The following MOCOS variants were observed in gnomAD, a reference collection of about 807,000 sequenced individuals.
MOCOS encodes the protein human molybdenum cofactor sulfurase.
Under a neutral mutation model 83.6 loss-of-function variants are expected in MOCOS, and 86 were observed. The observed-to-expected ratio is 1.03, with a 90% CI of 0.86 to 1.23. The LOEUF (loss-of-function observed/expected upper bound fraction) is 1.23, where lower values mean the gene tolerates loss of function less well. Ranked by LOEUF, MOCOS falls within the 50% of genes most tolerant of loss-of-function variation. The probability of loss-of-function intolerance (pLI) is 0.00; values close to 1 mark genes in which losing one functional copy is unlikely to be tolerated. For missense variants in MOCOS, 1,120 were observed against 1,126.9 expected (o/e 0.99, Z 0.09); for synonymous variants, 445 against 434.7 (o/e 1.02, Z -0.29).
At chr18:36,197,776 A>T (rs981408910) in intron 2 of MOCOS, among the ~76,000 whole-genome samples, 4 of 151,838 alleles carry the variant, frequency 2.6e-5, no homozygotes, top group Non-Finnish European at 4.4e-5. Flanking sequence ...TGTCTCTCTT[A>T]AAAAAAATCT....
chr18:36,268,684 A>C lies in MOCOS; in HGVS notation c.2666A>C (p.Ter889SerextTer6). Reference sequence around the variant, plus strand: ...GAGAAACACCAGGATGTTACCTCCTAAAAAAAATTTTTAGCATAAAGTTTC... The same window carrying C: ...GAGAAACACCAGGATGTTACCTCCTCAAAAAAATTTTTAGCATAAAGTTTC... ...ASEKHQDVTS* is the reference protein window; with the variant it reads ...ASEKHQDVTSS The change falls in exon 15 of 15, where the codon TAA (stop) becomes TCA (serine). Residue 889 changes from the stop codon to serine, a stop_lost. Coordinates refer to ENST00000261326, the MANE Select transcript of MOCOS (RefSeq NM_017947.4). The C allele has an allele frequency of 6.5e-7, 1 of 1,544,806 alleles. No homozygotes were observed. Among genetic ancestry groups the C allele is most frequent in the Non-Finnish European group, 8.7e-7 (1 of 1,152,234 alleles).
At chr18:36,253,623 G>A (rs1026192555) in intron 11 of MOCOS, among the ~76,000 whole-genome samples, 14 of 151,004 alleles carry the variant, frequency 9.3e-5, no homozygotes, top group African/African-American at 2.2e-4. Flanking sequence ...CCAAGACCAC[G>A]CCACTGCACT....
At position 36,245,829 on chromosome 18, in the gene MOCOS, C is replaced by CT. The variant is rs566046160; in HGVS notation, c.1961-3087dup. Among the ~76,000 whole-genome samples, 3 of 152,062 alleles carry CT rather than the reference C, an allele frequency of 2.0e-5. No homozygotes were observed. In the South Asian group the frequency reaches 6.2e-4, roughly 32 times the overall value. ...GAGACTTTGTTCATTTTTTAAAATT[C>CT]TTTTTTATTTGTCTTTTGGATTGGG... On this transcript the variant is annotated intron_variant, in intron 9 of 14. Coordinates refer to ENST00000261326, the MANE Select transcript of MOCOS (RefSeq NM_017947.4).
At chr18:36,261,887 A>G (rs2091664652) in intron 13 of MOCOS, among the ~76,000 whole-genome samples, 1 of 152,166 alleles carries the variant, frequency 6.6e-6, no homozygotes. Flanking sequence ...ATACATTATC[A>G]AATAGGTGGA....
intron 12 of MOCOS, among the ~76,000 whole-genome samples, chr18:36,257,723 A>C (rs2091648018): frequency 6.6e-6 from 1 of 152,152 alleles, no homozygotes; most frequent in African/African-American, 2.4e-5. Flanking sequence ...CTCATGCCAC[A>C]GGGTGACTGG....
intron 6 of MOCOS, among the ~76,000 whole-genome samples, chr18:36,207,980 A>G (rs2091440615): frequency 6.6e-6 from 1 of 152,152 alleles, no homozygotes; most frequent in Admixed American, 6.6e-5. Context: ...ATGTGGTGAT[A>G]GGAAAGGGTC....
intron 11 of MOCOS, among the ~76,000 whole-genome samples, chr18:36,253,453 G>T (rs1018285519): frequency 1.3e-5 from 2 of 152,058 alleles, no homozygotes; most frequent in Admixed American, 1.3e-4. Flanking sequence ...AGATCACGAG[G>T]TCAGGAGTTC....
intron 9 of MOCOS, among the ~76,000 whole-genome samples, chr18:36,247,981 C>A (rs1263647131): frequency 1.3e-5 from 2 of 152,068 alleles, no homozygotes; most frequent in African/African-American, 2.4e-5. Context: ...AGTGGGATTG[C>A]TGGATCATAC....
At position 36,270,271 on chromosome 18, in the gene MOCOS, A is replaced by C. The variant is rs2091695016; in HGVS notation, c.*1586A>C. The C allele has an allele frequency of 6.6e-6, 1 of 152,224 alleles. No homozygotes were observed. Among genetic ancestry groups the C allele is most frequent in the Non-Finnish European group, 1.5e-5 (1 of 68,044 alleles). 9.4% of individuals were successfully genotyped at this position (152,224 alleles called of 1,614,324 possible). On this transcript the variant is annotated 3_prime_UTR_variant, in exon 15 of 15. Coordinates refer to ENST00000261326, the MANE Select transcript of MOCOS (RefSeq NM_017947.4). ...CTAACTGATAGGAGAACAATGCCCT[A>C]AAGTAATGGATTTATCCACCTACTC... is the stretch of plus-strand genomic sequence containing the variant.
chr18:36,203,048 C>T, intron 4 of MOCOS, 65 bp from the exon 5 acceptor site: 1 of 1,481,666 alleles, frequency 6.7e-7, no homozygotes, highest in Middle Eastern at 1.7e-4. Context: ...TCATTATATA[C>T]CACGAAATGC....
At chr18:36,251,041 T>C (rs1179172482) in intron 10 of MOCOS, 118 bp from the exon 11 acceptor site, 3 of 1,297,498 alleles carry the variant, frequency 2.3e-6, no homozygotes, top group African/African-American at 3.0e-5. Context: ...CAGGCTGCCT[T>C]CAGGGCTCAT....
chr18:36,224,673 A>G (rs922314825), intron 9 of MOCOS, among the ~76,000 whole-genome samples: 2 of 152,128 alleles, frequency 1.3e-5, no homozygotes, highest in African/African-American at 4.8e-5. Context: ...ATGTACTGTT[A>G]GATTAAGTTT....
At chr18:36,254,752 T>C (rs2144144900) in intron 11 of MOCOS, among the ~76,000 whole-genome samples, 1 of 152,260 alleles carries the variant, frequency 6.6e-6, no homozygotes, top group South Asian at 2.1e-4. Flanking sequence ...TGGAAATCTT[T>C]CATTGACTAC....
chr18:36,267,329 A>G (rs928499083), intron 14 of MOCOS, among the ~76,000 whole-genome samples: 7 of 152,356 alleles, frequency 4.6e-5, no homozygotes, highest in Middle Eastern at 3.4e-3. Context: ...TGAACTTCCA[A>G]TGTGTTGATT....
intron 1 of MOCOS, among the ~76,000 whole-genome samples, chr18:36,194,986 C>T (rs979393579): frequency 1.3e-5 from 2 of 152,160 alleles, no homozygotes; most frequent in East Asian, 1.9e-4. Context: ...GTCTGCTGGG[C>T]GTCTTCTCTG....
At chr18:36,197,775 T>TA (rs554324321) in intron 2 of MOCOS, among the ~76,000 whole-genome samples, 28 of 151,762 alleles carry the variant, frequency 1.8e-4, no homozygotes, top group Non-Finnish European at 3.1e-4. Context: ...GTGTCTCTCT[T>TA]AAAAAAAATC....
At chr18:36,264,025 A>G (rs1405537996) in intron 13 of MOCOS, among the ~76,000 whole-genome samples, 1 of 152,002 alleles carries the variant, frequency 6.6e-6, no homozygotes, top group African/African-American at 2.4e-5. Context: ...AAATATGAAA[A>G]TTAGGTGGGC....
At chr18:36,221,111 G>T (rs1264071119) in intron 9 of MOCOS, among the ~76,000 whole-genome samples, 1 of 152,150 alleles carries the variant, frequency 6.6e-6, no homozygotes, top group Non-Finnish European at 1.5e-5. Context: ...ACTCTGTTTA[G>T]TAGAACTTTC....
chr18:36,268,967 G>A lies in MOCOS; in HGVS notation c.*282G>A, dbSNP rs112544259. ...GAAGTATAATCACTTGTAATCAGAT[G>A]AAATTTTTAATGAAGTTCACTGGGA... On this transcript the variant is annotated 3_prime_UTR_variant, in exon 15 of 15. Transcript: ENST00000261326. The A allele has an allele frequency of 2.7e-5, 11 of 410,618 alleles. No homozygotes were observed. The highest frequency in any genetic ancestry group is 1.8e-4 in the African/African-American group (9 of 49,570). The allele number at this position is 410,618 out of a possible 1,614,324, so 25.4% of individuals were successfully genotyped here.
Sources: allele counts gnomAD v4.1 joint callset (sites outside exome capture counted in the v4.1 genomes callset), GRCh38; gene constraint gnomAD v4.1.1; transcripts MANE v1.5; gene names NCBI Gene and HGNC (gene_info 2026-07-23, HGNC 2026-07-21).